KLHL32: variants seen among roughly 807,000 people sequenced by gnomAD.
KLHL32 encodes the protein kelch-like protein 32.
Under a neutral mutation model 64.8 loss-of-function variants are expected in KLHL32, and 35 were observed. The ratio of observed to expected loss-of-function variants is 0.54; its 90% CI spans 0.41 to 0.72. The LOEUF (loss-of-function observed/expected upper bound fraction) is 0.72. Ranked by LOEUF, KLHL32 falls within the 30% of genes least tolerant of loss-of-function variation. KLHL32 has a pLI of 0.00. For synonymous variants in KLHL32, 259 were observed against 281.0 expected, an observed-to-expected ratio of 0.92 and a Z score of 0.78; for missense variants, 589 against 768.5, an observed-to-expected ratio of 0.77 and a Z score of 2.76.
chr6:96,976,019 C>A lies in KLHL32; in HGVS notation c.46C>A (p.Gln16Lys). Reference sequence around the variant, plus strand: ...TAGTATTCAAGAAATGCTGACAGGCCAGAGGCTCTGCCACTCCGAATCTCA... The same window carrying A: ...TAGTATTCAAGAAATGCTGACAGGCAAGAGGCTCTGCCACTCCGAATCTCA... ...CLSIQEMLTG[Q>K]RLCHSESHND... Residue 16 changes from glutamine to lysine, a missense_variant, in exon 3 of 11, where the codon CAG (glutamine) becomes AAG (lysine). This residue lies in a region of KLHL32 where 191 missense variants were observed against 223.3 expected (regional missense o/e 0.86). Coordinates refer to ENST00000369261, the MANE Select transcript of KLHL32 (RefSeq NM_052904.4). 6.3e-7 allele frequency: 1 copy of A among 1,588,594 alleles called. No individual in the cohort carries two copies. Among genetic ancestry groups the A allele is most frequent in the Non-Finnish European group, 8.6e-7 (1 of 1,161,852 alleles).
At chr6:96,990,045 GTGA>G (rs1777659013) in intron 3 of KLHL32, among the ~76,000 whole-genome samples, 1 of 152,060 alleles carries the variant, frequency 6.6e-6, no homozygotes, top group Admixed American at 6.5e-5. Flanking sequence ...CTCCTGAATT[GTGA>G]TGATCTTCAT....
At chr6:96,901,072 A>G in the KLHL32 span, among the ~76,000 whole-genome samples, 3 of 152,194 alleles carry the variant, frequency 2.0e-5, no homozygotes, top group East Asian at 5.8e-4. Flanking sequence ...ATTCATATTG[A>G]GGAACACTGG....
chr6:97,026,129 G>A (rs1188248884), intron 3 of KLHL32, among the ~76,000 whole-genome samples: 1 of 152,008 alleles, frequency 6.6e-6, no homozygotes, highest in African/African-American at 2.4e-5. Context: ...ATTAAAAGAA[G>A]TCCATCTAAT....
intron 3 of KLHL32, among the ~76,000 whole-genome samples, chr6:97,013,697 C>T (rs933219523): frequency 2.0e-5 from 3 of 152,138 alleles, no homozygotes; most frequent in African/African-American, 7.2e-5. Context: ...GATATAAGTT[C>T]CACAAATACC....
chr6:96,960,467 G>A (rs1773765085), intron 1 of KLHL32, among the ~76,000 whole-genome samples: 1 of 152,148 alleles, frequency 6.6e-6, no homozygotes, highest in Non-Finnish European at 1.5e-5. Context: ...ATGTATTTAT[G>A]TTGAACATGT....
At chr6:97,027,193 T>G (rs1230822039) in intron 3 of KLHL32, among the ~76,000 whole-genome samples, 6 of 150,536 alleles carry the variant, frequency 4.0e-5, no homozygotes, top group Admixed American at 4.0e-4. Flanking sequence ...AGAAAAGGGA[T>G]AACAGATCTT....
chr6:96,930,262 CCTT>C (rs1769695039), intron 1 of KLHL32, among the ~76,000 whole-genome samples: 1 of 152,056 alleles, frequency 6.6e-6, no homozygotes, highest in African/African-American at 2.4e-5. Flanking sequence ...TACTTAGAAA[CCTT>C]ATTATTTATG....
At chr6:97,117,235 A>G (rs1797887851) in intron 7 of KLHL32, among the ~76,000 whole-genome samples, 2 of 152,200 alleles carry the variant, frequency 1.3e-5, no homozygotes, top group South Asian at 4.1e-4. Context: ...GCAGATGAAA[A>G]TGTTTGAGGC....
rs1036839182 is a variant in KLHL32 at position 97,110,557 on chromosome 6, G to A, written c.628-3226G>A. Among the ~76,000 whole-genome samples the A allele has an allele frequency of 2.4e-4, 36 of 152,078 alleles. 2 individuals carry two copies. Among genetic ancestry groups the A allele is most frequent in the Non-Finnish European group, 4.4e-4 (30 of 68,018 alleles). On this transcript the variant is annotated intron_variant, in intron 6 of 10. Coordinates refer to ENST00000369261, the MANE Select transcript of KLHL32 (RefSeq NM_052904.4). ...AGAGAGTTTAGTGATTCTTTTCACC[G>A]GGTTGAAAACCCAGTTTGTGTTTGC...
At chr6:96,904,817 A>G in the KLHL32 span, among the ~76,000 whole-genome samples, 11 of 152,376 alleles carry the variant, frequency 7.2e-5, no homozygotes, top group African/African-American at 2.6e-4. Context: ...GTGATTATGT[A>G]CAGGGCAACA....
chr6:96,928,584 A>G (rs1187846673), intron 1 of KLHL32, among the ~76,000 whole-genome samples: 1 of 152,224 alleles, frequency 6.6e-6, no homozygotes, highest in African/African-American at 2.4e-5. Context: ...CAAGTATTAT[A>G]TTCTCTATAC....
At chr6:96,946,287 C>T (rs1055799461) in intron 1 of KLHL32, among the ~76,000 whole-genome samples, 27 of 152,028 alleles carry the variant, frequency 1.8e-4, no homozygotes, top group South Asian at 2.1e-4. Flanking sequence ...AATTTTTTAA[C>T]GTGAATCCTT....
At chr6:97,097,960 T>G (rs1489408130) in intron 6 of KLHL32, among the ~76,000 whole-genome samples, 1 of 152,236 alleles carries the variant, frequency 6.6e-6, no homozygotes, top group Non-Finnish European at 1.5e-5. Flanking sequence ...TTTGTAGAAT[T>G]CCTGCTTCCA....
intron 1 of KLHL32, among the ~76,000 whole-genome samples, chr6:96,963,130 CAG>C (rs1774057660): frequency 6.6e-6 from 1 of 152,220 alleles, no homozygotes; most frequent in South Asian, 2.1e-4. Context: ...GAAAAACAAA[CAG>C]AAATTTATTT....
At chr6:97,135,469 C>T (rs558078264) in intron 10 of KLHL32, among the ~76,000 whole-genome samples, 1 of 152,030 alleles carries the variant, frequency 6.6e-6, no homozygotes, top group African/African-American at 2.4e-5. Flanking sequence ...CCATGCCCAG[C>T]TAATTTTTTG....
chr6:97,062,798 A>G (rs1789126236), intron 4 of KLHL32, among the ~76,000 whole-genome samples: 1 of 152,250 alleles, frequency 6.6e-6, no homozygotes, highest in African/African-American at 2.4e-5. Flanking sequence ...AAAAAGATAT[A>G]TAATGTGAGG....
intron 3 of KLHL32, among the ~76,000 whole-genome samples, chr6:97,016,537 A>G (rs569274203): frequency 6.6e-6 from 1 of 152,326 alleles, no homozygotes; most frequent in South Asian, 2.1e-4. Flanking sequence ...TTATCTAGGA[A>G]GTAACTAACT....
intron 4 of KLHL32, among the ~76,000 whole-genome samples, chr6:97,055,032 G>A (rs1273938539): frequency 6.6e-6 from 1 of 152,180 alleles, no homozygotes; most frequent in East Asian, 1.9e-4. Flanking sequence ...AATTCTGCTG[G>A]TTGGCACTGG....
At chr6:96,976,208 T>C (rs1775672767) in intron 3 of KLHL32, 31 bp downstream of exon 3, 1 of 1,506,506 alleles carries the variant, frequency 6.6e-7, no homozygotes, top group Non-Finnish European at 9.0e-7. Context: ...TCTCGTAAAA[T>C]ATTGATAAAG....
Sources: gnomAD v4.1 joint callset for allele counts (sites outside exome capture counted in the v4.1 genomes callset) on GRCh38, gnomAD v4.1.1 for gene constraint, gnomAD v4.1.1 regional missense constraint, MANE v1.5 for transcripts, NCBI Gene and HGNC (gene_info 2026-07-23, HGNC 2026-07-21) for gene names.